The following CRACDL variants were observed in gnomAD, a reference collection of about 807,000 sequenced individuals.
CRACDL encodes CRACD like.
Under a neutral mutation model 70.6 loss-of-function variants are expected in CRACDL, and 26 were observed. The ratio of observed to expected loss-of-function variants is 0.37; its 90% CI spans 0.27 to 0.51. The LOEUF is 0.51. Ranked by LOEUF, CRACDL falls within the 20% of genes least tolerant of loss-of-function variation. The probability of loss-of-function intolerance (pLI) is 0.94; values close to 1 mark genes in which losing one functional copy is unlikely to be tolerated. For missense variants in CRACDL, 1,283 were observed against 1,376.9 expected (o/e 0.93, Z 1.08); for synonymous variants, 618 against 615.2 (o/e 1.00, Z -0.07).
At chr2:98,795,077 A>ATATATATATATTTTTTTTTTTTT in intron 9 of CRACDL, among the ~76,000 whole-genome samples, 14 of 58,462 alleles carry the variant, frequency 2.4e-4, no homozygotes, top group Non-Finnish European at 3.4e-4. Context: ...ATATATATAT[A>ATATATATATATTTTTTTTTTTTT]TTTTTTTTTT....
Position 98,833,293 on chromosome 2 carries a change from G to A in CRACDL, c.240-296C>T, listed in dbSNP as rs995873957. ...TAAGGTGTGAGGTGCAAGACAGCAAGCCTGCAGAGGGGAGGGGCTGGCACG... is the reference window on the plus strand; with the variant it reads ...TAAGGTGTGAGGTGCAAGACAGCAAACCTGCAGAGGGGAGGGGCTGGCACG... On this transcript the variant is annotated intron_variant, in intron 3 of 9. Transcript: ENST00000397899. 6.6e-5 allele frequency among the ~76,000 whole-genome samples: 10 copies of A among 152,368 alleles called. No individual in the cohort carries two copies. The East Asian group carries it at 7.7e-4, about 12-fold the overall frequency.
chr2:98,904,338 A>C (rs1334942678), intron 1 of CRACDL, among the ~76,000 whole-genome samples: 1 of 152,114 alleles, frequency 6.6e-6, no homozygotes, highest in Non-Finnish European at 1.5e-5. Flanking sequence ...TCCCAGCCAC[A>C]CACCCCATCA....
intron 5 of CRACDL, among the ~76,000 whole-genome samples, chr2:98,828,450 C>T (rs1189377579): frequency 6.6e-6 from 1 of 152,190 alleles, no homozygotes; most frequent in Non-Finnish European, 1.5e-5. Flanking sequence ...AGACAACACA[C>T]CAGTGCCGTC....
In CRACDL at chr2:98,832,847, C is replaced by A; in HGVS notation, c.375+15G>T. ...TGACTTGCACACCAGGCGACATGAC[C>A]AAGGAAACATTTACCTGCAGAGCTT... On this transcript the variant is annotated intron_variant, in intron 4 of 9. Transcript: ENST00000397899. The A allele has an allele frequency of 6.2e-7, 1 of 1,613,058 alleles. No individual in the cohort carries two copies. Among genetic ancestry groups the A allele is most frequent in the South Asian group, 1.1e-5 (1 of 90,838 alleles).
At chr2:98,804,968 G>A (rs1379421092) in intron 7 of CRACDL, among the ~76,000 whole-genome samples, 1 of 152,146 alleles carries the variant, frequency 6.6e-6, no homozygotes, top group Non-Finnish European at 1.5e-5. Flanking sequence ...CCTGGTGGGT[G>A]CCCACTAGGT....
At position 98,795,077 on chromosome 2, in the gene CRACDL, A is replaced by ATATATTTTT; in HGVS notation, c.2750-407_2750-406insAAAAATATA. Among the ~76,000 whole-genome samples, 18 of 58,488 alleles carry ATATATTTTT rather than the reference A, an allele frequency of 3.1e-4. 1 individual carries two copies. The highest frequency in any genetic ancestry group is 1.1e-3 in the African/African-American group (17 of 15,094). The allele number at this position is 58,488 out of a possible 152,430, so 38.4% of individuals were successfully genotyped here. On this transcript the variant is annotated intron_variant, in intron 9 of 9. Coordinates refer to ENST00000397899, the MANE Select transcript of CRACDL (RefSeq NM_207362.3). ...TATATATATATATATATATATATAT[A>ATATATTTTT]TTTTTTTTTTTTTTTGAGACAGAAG...
At chr2:98,931,971 G>A (rs1200658924) in intron 1 of CRACDL, among the ~76,000 whole-genome samples, 3 of 152,234 alleles carry the variant, frequency 2.0e-5, no homozygotes, top group African/African-American at 7.2e-5. Flanking sequence ...AAGGTAATTT[G>A]TCAAAATCAT....
intron 1 of CRACDL, among the ~76,000 whole-genome samples, chr2:98,850,980 T>G (rs1706458285): frequency 1.3e-5 from 2 of 152,178 alleles, no homozygotes; most frequent in South Asian, 4.1e-4. Flanking sequence ...TCCATTATAT[T>G]TACCTACACA....
At chr2:98,870,210 C>T (rs1707293055) in intron 1 of CRACDL, among the ~76,000 whole-genome samples, 1 of 152,206 alleles carries the variant, frequency 6.6e-6, no homozygotes, top group South Asian at 2.1e-4. Flanking sequence ...TGACAGAGGG[C>T]TCTGGGTGGC....
Position 98,823,041 on chromosome 2 carries a change from GTGT to G in CRACDL, c.1229_1231del (p.Asp410_Thr411delinsAla). On this transcript the variant is annotated inframe_deletion, in exon 7 of 10. Transcript: ENST00000397899. The surrounding 1 kb of genome is among the most constrained non-coding windows in gnomAD (Gnocchi z 4.0). Reference sequence around the variant, plus strand: ...GGCGGGGTCAGTCTCGGGGGGAGTCGTGTCCCCCTCAGGGATGGCGGTGGGAAA... The same window carrying G: ...GGCGGGGTCAGTCTCGGGGGGAGTCGCCCCCTCAGGGATGGCGGTGGGAAA... The G allele has an allele frequency of 6.4e-7, 1 of 1,552,688 alleles. No homozygotes were observed. The highest frequency in any genetic ancestry group is 8.7e-7 in the Non-Finnish European group (1 of 1,151,964).
chr2:98,907,405 A>G (rs1558634266), intron 1 of CRACDL, among the ~76,000 whole-genome samples: 1 of 152,208 alleles, frequency 6.6e-6, no homozygotes. Flanking sequence ...TGTCCTGGCC[A>G]GTAGTTGTTC....
chr2:98,880,901 G>A (rs561373795), intron 1 of CRACDL, among the ~76,000 whole-genome samples: 87 of 152,330 alleles, frequency 5.7e-4, no homozygotes, highest in African/African-American at 2.0e-3. Flanking sequence ...TACTCACTTG[G>A]CCCCTCGGCT....
chr2:98,909,791 C>G (rs1708500881), intron 1 of CRACDL, among the ~76,000 whole-genome samples: 1 of 152,184 alleles, frequency 6.6e-6, no homozygotes, highest in Non-Finnish European at 1.5e-5. Flanking sequence ...AATCTTGTTC[C>G]TCTGCCACCT....
intron 1 of CRACDL, among the ~76,000 whole-genome samples, chr2:98,872,357 C>CAAAAG (rs1205606269): frequency 4.6e-5 from 7 of 151,790 alleles, no homozygotes; most frequent in African/African-American, 1.2e-4. Context: ...GACTCTGTCT[C>CAAAAG]AAAAGAAAAG....
At chr2:98,836,035 T>C (rs570726488) in intron 3 of CRACDL, among the ~76,000 whole-genome samples, 8 of 151,922 alleles carry the variant, frequency 5.3e-5, no homozygotes, top group Admixed American at 4.6e-4. Context: ...TAGGAAAGAG[T>C]TGAGTCACAC....
chr2:98,919,583 T>C (rs1314964616), intron 1 of CRACDL, among the ~76,000 whole-genome samples: 1 of 152,244 alleles, frequency 6.6e-6, no homozygotes, highest in African/African-American at 2.4e-5. Flanking sequence ...ATTTAAATTT[T>C]AATCCACATG....
chr2:98,894,056 A>G (rs987632891), intron 1 of CRACDL, among the ~76,000 whole-genome samples: 2 of 152,006 alleles, frequency 1.3e-5, no homozygotes, highest in Non-Finnish European at 2.9e-5. Flanking sequence ...CCCAGAGCAC[A>G]CTCAGCTACT....
intron 1 of CRACDL, among the ~76,000 whole-genome samples, chr2:98,896,917 T>G (rs79141836): frequency 0.04 from 6,106 of 152,276 alleles, 172 homozygotes; most frequent in Middle Eastern, 0.075. Context: ...TGGACACCCC[T>G]GGCAGGCATT....
intron 8 of CRACDL, among the ~76,000 whole-genome samples, chr2:98,797,025 C>T (rs1703852895): frequency 6.6e-6 from 1 of 152,208 alleles, no homozygotes; most frequent in African/African-American, 2.4e-5. Context: ...AACCTCCTCC[C>T]ATTTTTCTAG....
Sources: gnomAD v4.1 joint callset for allele counts (sites outside exome capture counted in the v4.1 genomes callset) on GRCh38, gnomAD v4.1.1 for gene constraint, Gnocchi (gnomAD v3.1) non-coding constraint, MANE v1.5 for transcripts, NCBI Gene and HGNC (gene_info 2026-07-23, HGNC 2026-07-21) for gene names.